The following SLCO3A1 variants were observed in gnomAD, a reference collection of about 807,000 sequenced individuals.
The protein encoded by SLCO3A1 is PGE1 transporter.
A neutral mutation model predicts 63.1 loss-of-function variants in SLCO3A1; 27 were observed. The observed-to-expected ratio is 0.43, with a 90% confidence interval of 0.32 to 0.59. The LOEUF (loss-of-function observed/expected upper bound fraction) is 0.59, where lower values mean the gene tolerates loss of function less well. SLCO3A1 is among the 20% of genes least tolerant of loss of function. The pLI is 0.09. For missense variants in SLCO3A1, 773 were observed against 945.8 expected (o/e 0.82, Z 2.40); for synonymous variants, 473 against 409.9 (o/e 1.15, Z -1.86).
intron 7 of SLCO3A1, among the ~76,000 whole-genome samples, chr15:92,138,509 A>G (rs1441863805): frequency 8.6e-6 from 1 of 116,122 alleles, no homozygotes; most frequent in Non-Finnish European, 1.6e-5. Context: ...CAATTCTGTG[A>G]AGAAAGTCAT....
rs563062670 is a variant in SLCO3A1 at position 92,083,936 on chromosome 15, A to G, written c.647-10945A>G. ...CCAGAGTAGGTAAGTACCTTTGTCA[A>G]GGTCACACAGCCAGTGACTGCAGAC... On this transcript the variant is annotated intron_variant, in intron 2 of 9. Transcript: ENST00000318445. 3.3e-4 allele frequency among the ~76,000 whole-genome samples: 50 copies of G among 152,312 alleles called. 3 individuals are homozygous for G. In the South Asian group the frequency reaches 6.6e-3, roughly 20 times the overall value.
chr15:91,906,409 A>G (rs1898309969), intron 1 of SLCO3A1, among the ~76,000 whole-genome samples: 1 of 152,144 alleles, frequency 6.6e-6, no homozygotes, highest in Non-Finnish European at 1.5e-5. Context: ...GAGGGCAGAG[A>G]CCAGGTCTTA....
chr15:91,953,055 C>T (rs890543881), intron 2 of SLCO3A1, among the ~76,000 whole-genome samples: 3 of 152,132 alleles, frequency 2.0e-5, no homozygotes, highest in African/African-American at 7.2e-5. Context: ...GTGGAAGCTG[C>T]CTCGGGAAAT....
At chr15:91,956,782 C>G (rs368630914) in intron 2 of SLCO3A1, among the ~76,000 whole-genome samples, 17 of 122,402 alleles carry the variant, frequency 1.4e-4, no homozygotes, top group African/African-American at 5.1e-4. Flanking sequence ...GCCTTGCCTT[C>G]TTTTTTTTTT....
At chr15:92,023,671 G>C (rs1401746343) in intron 2 of SLCO3A1, among the ~76,000 whole-genome samples, 1 of 152,088 alleles carries the variant, frequency 6.6e-6, no homozygotes, top group Non-Finnish European at 1.5e-5. Context: ...ATTTCACTTT[G>C]TTGCCCAGGC....
rs753882995 is a variant in SLCO3A1 at position 92,163,285 on chromosome 15, C to A, written c.*150C>A. On this transcript the variant is annotated 3_prime_UTR_variant, in exon 10 of 10. Transcript: ENST00000318445. ...CGCAGACAGACACACCGACTTTGTC[C>A]TTTTTCTCAGCATCAGAGCCAGACA... 10 of 1,309,124 alleles carry A rather than the reference C, an allele frequency of 7.6e-6. No homozygotes were observed. In the African/African-American group the frequency reaches 1.4e-4, roughly 18 times the overall value. 81.1% of individuals were successfully genotyped at this position (1,309,124 alleles called of 1,614,324 possible).
chr15:91,880,407 C>CTGTGTGTGTGTGTGTGTGTGTGTGTG (rs1235050747), intron 1 of SLCO3A1, among the ~76,000 whole-genome samples: 15 of 142,860 alleles, frequency 1.0e-4, no homozygotes, highest in African/African-American at 4.0e-4. Flanking sequence ...CTCTCTCTCT[C>CTGTGTGTGTGTGTGTGTGTGTGTGTG]TCTGTGTGTG....
In SLCO3A1 at chr15:91,883,643, C is replaced by G. The variant is rs1223896380; in HGVS notation, c.180+29555C>G. Among the ~76,000 whole-genome samples the G allele has an allele frequency of 6.6e-6, 1 of 152,164 alleles. No homozygotes were observed. The highest frequency in any genetic ancestry group is 1.5e-5 in the Non-Finnish European group (1 of 68,032). On this transcript the variant is annotated intron_variant, in intron 1 of 9. Transcript: ENST00000318445. This position sits in a 1 kb window ranked among gnomAD's most constrained non-coding sequence, Gnocchi z 4.8. ...TGTGATTTATAAGCCTTAATAGTTA[C>G]TAAGGCAATGCATTGATACATTGTT...
chr15:91,888,478 A>G (rs934351971), intron 1 of SLCO3A1, among the ~76,000 whole-genome samples: 5 of 152,346 alleles, frequency 3.3e-5, no homozygotes, highest in Middle Eastern at 3.4e-3. Context: ...TAAAGTGTTT[A>G]GTGTGACTCT....
intron 2 of SLCO3A1, among the ~76,000 whole-genome samples, chr15:92,065,069 T>TG (rs2047133402): frequency 8.7e-6 from 1 of 114,890 alleles, no homozygotes; most frequent in South Asian, 3.0e-4. Flanking sequence ...TTACCCACGT[T>TG]TTTTGTTTGT....
chr15:91,869,253 T>C (rs1567163898), intron 1 of SLCO3A1, among the ~76,000 whole-genome samples: 2 of 151,756 alleles, frequency 1.3e-5, no homozygotes, highest in African/African-American at 4.8e-5. Context: ...ATTTAAAAAT[T>C]AGCTGAGCAT....
rs7172521 is a variant in SLCO3A1, at chr15:91,972,741, G to A, written c.646+56283G>A. On this transcript the variant is annotated intron_variant, in intron 2 of 9. Coordinates refer to ENST00000318445, the MANE Select transcript of SLCO3A1 (RefSeq NM_013272.4). ...ACAGAGGCCCAGGGAATGCCCTTGC[G>A]TGGCCTCTGGTGTGGTTCCTGGTGC... Among the ~76,000 whole-genome samples, 187 of 152,250 alleles carry A rather than the reference G, an allele frequency of 1.2e-3. 1 individual carries two copies. The highest frequency in any genetic ancestry group is 4.4e-3 in the African/African-American group (183 of 41,550).
At chr15:92,016,838 T>A (rs1211230693) in intron 2 of SLCO3A1, among the ~76,000 whole-genome samples, 1 of 152,048 alleles carries the variant, frequency 6.6e-6, no homozygotes, top group African/African-American at 2.4e-5. Context: ...GCCTGTGGAT[T>A]TGAGGTGGCA....
chr15:92,058,808 C>G (rs191994460), intron 2 of SLCO3A1, among the ~76,000 whole-genome samples: 2 of 152,188 alleles, frequency 1.3e-5, no homozygotes, highest in East Asian at 1.9e-4. Context: ...CTGTGCCTGC[C>G]CCGCCTGCCT....
intron 2 of SLCO3A1, among the ~76,000 whole-genome samples, chr15:92,043,718 CATA>C (rs2046825965): frequency 6.6e-6 from 1 of 152,244 alleles, no homozygotes; most frequent in African/African-American, 2.4e-5. Context: ...TTTATTTCCA[CATA>C]ATGACAACCA....
chr15:91,962,398 G>A (rs1900480382), intron 2 of SLCO3A1, among the ~76,000 whole-genome samples: 1 of 142,930 alleles, frequency 7.0e-6, no homozygotes, highest in South Asian at 2.2e-4. Flanking sequence ...AAAATCACTT[G>A]AACCCAGGAG....
rs1180331288 is a variant in SLCO3A1 at position 91,856,951 on chromosome 15, C to T, written c.180+2863C>T. 3.3e-5 allele frequency among the ~76,000 whole-genome samples: 5 copies of T among 151,866 alleles called. No homozygotes were observed. Among genetic ancestry groups the T allele is most frequent in the Non-Finnish European group, 7.4e-5 (5 of 67,970 alleles). Reference sequence around the variant, plus strand: ...AAATTTCTCAGTGTCCTGAATGACACTAGTGTAGGCTTCCCAACTGCAGAA... The same window carrying T: ...AAATTTCTCAGTGTCCTGAATGACATTAGTGTAGGCTTCCCAACTGCAGAA... On this transcript the variant is annotated intron_variant, in intron 1 of 9. Transcript: ENST00000318445. This position sits in a 1 kb window ranked among gnomAD's most constrained non-coding sequence, Gnocchi z 4.9.
chr15:91,869,722 C>T (rs1027133760), intron 1 of SLCO3A1, among the ~76,000 whole-genome samples: 3 of 151,936 alleles, frequency 2.0e-5, no homozygotes, highest in African/African-American at 4.8e-5. Flanking sequence ...AAGAAAGGAT[C>T]ATTTGGGAAG....
chr15:92,126,485 C>A (rs866380637), intron 6 of SLCO3A1, among the ~76,000 whole-genome samples: 1 of 152,064 alleles, frequency 6.6e-6, no homozygotes, highest in Non-Finnish European at 1.5e-5. Flanking sequence ...GAAGAGAAGC[C>A]GTTTCCTCCC....
Sources: allele counts gnomAD v4.1 joint callset (sites outside exome capture counted in the v4.1 genomes callset), GRCh38; gene constraint gnomAD v4.1.1; non-coding constraint Gnocchi (gnomAD v3.1); transcripts MANE v1.5; gene names NCBI Gene and HGNC (gene_info 2026-07-23, HGNC 2026-07-21).